The following ROBO2 variants were observed in gnomAD, a reference collection of about 807,000 sequenced individuals.
The protein encoded by ROBO2 is roundabout homolog 2.
Under a neutral mutation model 160.8 loss-of-function variants are expected in ROBO2, and 53 were observed. The observed-to-expected ratio is 0.33, with a 90% confidence interval of 0.26 to 0.41. ROBO2 has a LOEUF of 0.41. ROBO2 is among the 10% of genes least tolerant of loss of function. ROBO2 has a pLI of 1.00. For missense variants in ROBO2, 1,577 were observed against 1,722.4 expected (o/e 0.92, Z 1.49); for synonymous variants, 664 against 611.7 (o/e 1.09, Z -1.26).
At chr3:76,146,057 A>G (rs2071874967) in intron 2 of ROBO2, among the ~76,000 whole-genome samples, 2 of 152,122 alleles carry the variant, frequency 1.3e-5, no homozygotes, top group Middle Eastern at 6.8e-3. Flanking sequence ...TTTAGATTCC[A>G]TAGCGTTTGT....
At chr3:77,192,528 T>C (rs1207866944) in intron 2 of ROBO2, among the ~76,000 whole-genome samples, 1 of 152,192 alleles carries the variant, frequency 6.6e-6, no homozygotes, top group Non-Finnish European at 1.5e-5. Flanking sequence ...TAAACATTCT[T>C]AGCTAAAAAT....
intron 4 of ROBO2, among the ~76,000 whole-genome samples, chr3:77,483,368 A>T (rs537941535): frequency 2.5e-4 from 37 of 150,324 alleles, no homozygotes; most frequent in African/African-American, 8.5e-4. Context: ...AACATAAAAG[A>T]AAAAAAAACA....
intron 2 of ROBO2, among the ~76,000 whole-genome samples, chr3:76,658,499 G>A (rs976929331): frequency 2.6e-5 from 4 of 151,860 alleles, no homozygotes; most frequent in East Asian, 1.9e-4. Flanking sequence ...CTCGCACCCC[G>A]CAACAGGCCC....
At position 76,294,499 on chromosome 3, in the gene ROBO2, TA is replaced by T. The variant is rs200977953; in HGVS notation, c.109+356898del. Among the ~76,000 whole-genome samples, 517 of 152,314 alleles carry T rather than the reference TA, an allele frequency of 3.4e-3. 6 individuals are homozygous for T. The highest frequency in any genetic ancestry group is 0.025 in the Admixed American group (378 of 15,304). On this transcript the variant is annotated intron_variant, in intron 2 of 26. Coordinates refer to the ROBO2 transcript ENST00000487694. The stretch of plus-strand genomic sequence containing the variant: ...CCCCAAATATCCATTGTCCACTTTT[TA>T]GCCAGATGCTATTTTCCATTGAGCT...
intron 2 of ROBO2, among the ~76,000 whole-genome samples, chr3:76,433,296 A>G (rs902680045): frequency 1.1e-4 from 17 of 152,232 alleles, no homozygotes; most frequent in Admixed American, 3.3e-4. Context: ...TTGAGCAAAT[A>G]AAAATGCAGT....
intron 2 of ROBO2, among the ~76,000 whole-genome samples, chr3:76,901,591 A>G (rs1051538199): frequency 6.9e-6 from 1 of 144,848 alleles, no homozygotes; most frequent in Non-Finnish European, 1.5e-5. Context: ...AAAAAAAAAG[A>G]TACAGAAGTA....
At chr3:76,316,817 C>A (rs905891608) in intron 2 of ROBO2, among the ~76,000 whole-genome samples, 4 of 152,152 alleles carry the variant, frequency 2.6e-5, no homozygotes, top group South Asian at 2.1e-4. Context: ...AAAATGAAAT[C>A]TTCACAATTT....
intron 5 of ROBO2, among the ~76,000 whole-genome samples, chr3:77,515,737 G>A (rs1013083951): frequency 6.6e-6 from 1 of 151,552 alleles, no homozygotes; most frequent in Admixed American, 6.6e-5. Flanking sequence ...GTAAAAAGCT[G>A]GGTAAAAATC....
At chr3:76,307,795 C>T (rs536491406) in intron 2 of ROBO2, among the ~76,000 whole-genome samples, 1 of 152,206 alleles carries the variant, frequency 6.6e-6, no homozygotes, top group South Asian at 2.1e-4. Context: ...ATAAATGACT[C>T]ATCTCACAAG....
At chr3:77,293,626 T>G (rs1206538589) in intron 2 of ROBO2, among the ~76,000 whole-genome samples, 1 of 142,660 alleles carries the variant, frequency 7.0e-6, no homozygotes, top group East Asian at 2.0e-4. Context: ...AAATTGACGG[T>G]TAAACGGGTA....
intron 2 of ROBO2, among the ~76,000 whole-genome samples, chr3:76,774,282 T>A (rs2062095100): frequency 6.6e-6 from 1 of 150,924 alleles, no homozygotes; most frequent in Non-Finnish European, 1.5e-5. Flanking sequence ...CAAGATATGA[T>A]TCTCTGGTCC....
At chr3:76,837,809 A>G (rs929790227) in intron 2 of ROBO2, among the ~76,000 whole-genome samples, 1 of 152,004 alleles carries the variant, frequency 6.6e-6, no homozygotes, top group Non-Finnish European at 1.5e-5. Flanking sequence ...CATACTATCT[A>G]ATATACAGTT....
chr3:77,272,199 A>G (rs1343394364), intron 2 of ROBO2, among the ~76,000 whole-genome samples: 2 of 152,212 alleles, frequency 1.3e-5, no homozygotes, highest in Non-Finnish European at 2.9e-5. Context: ...AAGGAATCCA[A>G]ACTTGCTATG....
At chr3:76,724,768 C>A (rs939020940) in intron 2 of ROBO2, among the ~76,000 whole-genome samples, 3 of 152,110 alleles carry the variant, frequency 2.0e-5, no homozygotes, top group Non-Finnish European at 4.4e-5. Flanking sequence ...GAAAAATGGT[C>A]TTTGAAGACG....
At chr3:77,451,542 TGC>T (rs1262851726) in intron 2 of ROBO2, among the ~76,000 whole-genome samples, 1 of 152,100 alleles carries the variant, frequency 6.6e-6, no homozygotes, top group Non-Finnish European at 1.5e-5. Context: ...GCTAGCTCAG[TGC>T]TTGCCCAAAG....
At chr3:76,475,364 A>G (rs542076274) in intron 2 of ROBO2, among the ~76,000 whole-genome samples, 4 of 152,222 alleles carry the variant, frequency 2.6e-5, no homozygotes, top group East Asian at 1.9e-4. Flanking sequence ...AGGAGAGACA[A>G]TGAGGCCAAG....
At chr3:77,510,425 T>C (rs1282243696) in intron 5 of ROBO2, among the ~76,000 whole-genome samples, 1 of 152,024 alleles carries the variant, frequency 6.6e-6, no homozygotes, top group Admixed American at 6.6e-5. Flanking sequence ...ACCAAGATTA[T>C]GGCAGGATCC....
intron 2 of ROBO2, among the ~76,000 whole-genome samples, chr3:77,234,919 G>A (rs565307972): frequency 7.9e-5 from 12 of 152,232 alleles, no homozygotes; most frequent in African/African-American, 1.9e-4. Context: ...AAGCAATGGC[G>A]TTACTTTAAT....
chr3:77,565,060 G>A (rs2093439206), exon 12 of ROBO2: 1 of 1,613,634 alleles, frequency 6.2e-7, no homozygotes, highest in Non-Finnish European at 8.5e-7. Context: ...CATGGTCAGA[G>A]CGATCAACCC....
Sources: gnomAD v4.1 joint callset for allele counts (sites outside exome capture counted in the v4.1 genomes callset) on GRCh38, gnomAD v4.1.1 for gene constraint, MANE v1.5 for transcripts, NCBI Gene and HGNC (gene_info 2026-07-23, HGNC 2026-07-21) for gene names.